Variants in DOCK8 observed in about 807,000 individuals in gnomAD.
DOCK8 encodes the protein dedicator of cytokinesis 8, also known as dedicator of cytokinesis protein 8.
A neutral mutation model predicts 245.6 loss-of-function variants in DOCK8; 141 were observed. That is an observed-to-expected ratio of 0.57 (90% CI 0.50 to 0.66). The LOEUF is 0.66. DOCK8 is among the 30% of genes least tolerant of loss of function. DOCK8 has a pLI of 0.00. For missense variants in DOCK8, 2,965 were observed against 2,603.4 expected, an observed-to-expected ratio of 1.14 and a Z score of -3.02; for synonymous variants, 1,168 against 970.2, an observed-to-expected ratio of 1.20 and a Z score of -3.79.
intron 1 of DOCK8, among the ~76,000 whole-genome samples, chr9:229,931 T>A (rs2047070800): frequency 6.6e-6 from 1 of 151,944 alleles, no homozygotes; most frequent in African/African-American, 2.4e-5. Flanking sequence ...TACTTTAAGT[T>A]TTAGGGTACA....
intron 31 of DOCK8, 40 bp from the exon 32 acceptor site, chr9:420,909 C>G (rs774365866): frequency 8.1e-6 from 13 of 1,613,722 alleles, no homozygotes; most frequent in Middle Eastern, 1.6e-4. Flanking sequence ...CAACGGAGAT[C>G]TCACCAAAGG....
intron 2 of DOCK8, among the ~76,000 whole-genome samples, chr9:281,831 G>A (rs987313597): frequency 6.6e-6 from 1 of 152,234 alleles, no homozygotes; most frequent in Non-Finnish European, 1.5e-5. Context: ...CCAAGGGCAA[G>A]ACTAGTTTAC....
At chr9:327,278 C>T (rs2050806381) in intron 8 of DOCK8, among the ~76,000 whole-genome samples, 2 of 152,230 alleles carry the variant, frequency 1.3e-5, no homozygotes, top group Non-Finnish European at 2.9e-5. Flanking sequence ...GTCCTTGTCA[C>T]CCAACTGCAA....
At chr9:258,872 A>G (rs1238967503) in intron 1 of DOCK8, among the ~76,000 whole-genome samples, 1 of 152,132 alleles carries the variant, frequency 6.6e-6, no homozygotes, top group East Asian at 1.9e-4. Flanking sequence ...TGTTGGGATT[A>G]CGGGCGTGAG....
intron 1 of DOCK8, among the ~76,000 whole-genome samples, chr9:256,995 A>G (rs573091): frequency 0.38 from 57,434 of 151,960 alleles, 11,701 homozygotes; most frequent in East Asian, 0.79. Context: ...CCTTCTCCAA[A>G]TATTCACCCT....
intron 36 of DOCK8, 92 bp downstream of exon 36, chr9:429,946 G>T (rs2056648557): frequency 1.3e-6 from 2 of 1,485,598 alleles, no homozygotes; most frequent in Non-Finnish European, 9.2e-7. Flanking sequence ...AAATTTTGCA[G>T]TATTGCAGTT....
chr9:452,005 C>A lies in DOCK8; in HGVS notation c.5962-6C>A. On this transcript the variant is annotated splice_region_variant and splice_polypyrimidine_tract_variant and intron_variant, in intron 45 of 47. Coordinates refer to ENST00000432829, the MANE Select transcript of DOCK8 (RefSeq NM_203447.4). Reference sequence around the variant, plus strand: ...TTTTTTTTTTTTTTTTTTTTTTTCCCACCAGGGACCACTGGAAGTAGCCCA... The same window carrying A: ...TTTTTTTTTTTTTTTTTTTTTTTCCAACCAGGGACCACTGGAAGTAGCCCA... 6 of 1,306,742 alleles carry A rather than the reference C, an allele frequency of 4.6e-6. No individual in the cohort carries two copies. The highest frequency in any genetic ancestry group is 5.3e-6 in the Non-Finnish European group (5 of 951,360). 80.9% of individuals were successfully genotyped at this position (1,306,742 alleles called of 1,614,324 possible). A position where few individuals can be genotyped will look rare whatever the true frequency, so the allele number is the denominator to read the frequency against.
rs776702251 is a variant in DOCK8 at position 422,037 on chromosome 9, T to C, written c.4154-11T>C. 4 of 1,612,272 alleles carry C rather than the reference T, an allele frequency of 2.5e-6. No homozygotes were observed. In the African/African-American group the frequency reaches 5.3e-5, roughly 22 times the overall value. On this transcript the variant is annotated splice_polypyrimidine_tract_variant and intron_variant, in intron 32 of 47. Transcript: ENST00000432829. ...TAATCAAATTCCTATCATGCATTTCTTAACTCCTAGGGAACGACCGATTTC... is the reference window on the plus strand; with the variant it reads ...TAATCAAATTCCTATCATGCATTTCCTAACTCCTAGGGAACGACCGATTTC...
chr9:291,018 AG>A (rs1264667080), intron 4 of DOCK8, among the ~76,000 whole-genome samples: 1 of 152,228 alleles, frequency 6.6e-6, no homozygotes, highest in Non-Finnish European at 1.5e-5. Context: ...TGGAAAACAA[AG>A]TTTGCTGGGC....
intron 4 of DOCK8, among the ~76,000 whole-genome samples, chr9:290,537 C>T (rs1269168806): frequency 6.6e-6 from 1 of 152,198 alleles, no homozygotes; most frequent in African/African-American, 2.4e-5. Context: ...AGTAAGGGAT[C>T]TTTCTCTCCT....
In DOCK8 at chr9:390,450, A is replaced by G; in HGVS notation, c.2875-21A>G. ...ATAATAGCCTTTGTTTCACAGCCTA[A>G]TTTTTGTGGTTCTTATTTAGCATTT... On this transcript the variant is annotated intron_variant, in intron 23 of 47. Coordinates refer to ENST00000432829, the MANE Select transcript of DOCK8 (RefSeq NM_203447.4). 1.2e-6 allele frequency: 2 copies of G among 1,609,876 alleles called. 1 individual carries two copies. Among genetic ancestry groups the G allele is most frequent in the South Asian group, 2.2e-5 (2 of 91,014 alleles).
At chr9:303,885 T>C (rs1477617875) in intron 4 of DOCK8, among the ~76,000 whole-genome samples, 1 of 152,236 alleles carries the variant, frequency 6.6e-6, no homozygotes, top group African/African-American at 2.4e-5. Flanking sequence ...TGTAACATGT[T>C]TTCCAAAGAT....
chr9:295,429 A>G (rs2049220512), intron 4 of DOCK8, among the ~76,000 whole-genome samples: 1 of 152,186 alleles, frequency 6.6e-6, no homozygotes, highest in African/African-American at 2.4e-5. Flanking sequence ...TCCAAGTGAA[A>G]TACTTTGGTA....
intron 20 of DOCK8, 120 bp from the exon 21 acceptor site, chr9:379,651 C>T (rs1563986001): frequency 8.1e-6 from 9 of 1,109,852 alleles, no homozygotes; most frequent in Non-Finnish European, 9.4e-6. Context: ...ATCTACCCTT[C>T]CCAGGCCTAG....
In DOCK8 at chr9:452,133, G is replaced by C; in HGVS notation, c.6068+16G>C. The C allele has an allele frequency of 6.4e-7, 1 of 1,554,508 alleles. No individual in the cohort carries two copies. Among genetic ancestry groups the C allele is most frequent in the Non-Finnish European group, 8.9e-7 (1 of 1,127,274 alleles). The stretch of plus-strand genomic sequence containing the variant: ...TCATCATGAGGTAAGAAGGAAAATG[G>C]CTGGGAATTTCAGTAGAGCAGTGGT... On this transcript the variant is annotated intron_variant, in intron 46 of 47. Transcript: ENST00000432829.
chr9:276,518 A>G (rs1180983314), intron 2 of DOCK8, among the ~76,000 whole-genome samples: 1 of 148,000 alleles, frequency 6.8e-6, no homozygotes, highest in African/African-American at 2.7e-5. Flanking sequence ...ATTTTTTAGT[A>G]TGAAGGGGAT....
chr9:292,697 T>C (rs2130407975), intron 4 of DOCK8, among the ~76,000 whole-genome samples: 1 of 152,246 alleles, frequency 6.6e-6, no homozygotes, highest in Middle Eastern at 3.4e-3. Flanking sequence ...GTATTAAAAA[T>C]GTCTTCCCCA....
chr9:335,980 G>A (rs1233703613), intron 11 of DOCK8, among the ~76,000 whole-genome samples: 2 of 152,168 alleles, frequency 1.3e-5, no homozygotes, highest in Non-Finnish European at 1.5e-5. Context: ...AATCCCAAAA[G>A]GGGATAAGAA....
intron 4 of DOCK8, among the ~76,000 whole-genome samples, chr9:292,207 C>G (rs113270184): frequency 2.7e-5 from 4 of 150,244 alleles, no homozygotes; most frequent in African/African-American, 9.8e-5. Context: ...CCAGTCTCTA[C>G]TAAAAATACA....
Sources: gnomAD v4.1 joint callset for allele counts (sites outside exome capture counted in the v4.1 genomes callset) on GRCh38, gnomAD v4.1.1 for gene constraint, MANE v1.5 for transcripts, NCBI Gene and HGNC (gene_info 2026-07-23, HGNC 2026-07-21) for gene names.